ARID1B: variants seen among roughly 807,000 people sequenced by gnomAD.
ARID1B encodes AT-rich interactive domain-containing protein 1B.
ARID1B carries 30 observed loss-of-function variants against 212.3 expected under a neutral mutation model. The ratio of observed to expected loss-of-function variants is 0.14; its 90% CI spans 0.11 to 0.19. The LOEUF (loss-of-function observed/expected upper bound fraction) is 0.19, where lower values mean the gene tolerates loss of function less well. Ranked by LOEUF, ARID1B falls within the 10% of genes least tolerant of loss-of-function variation. ARID1B has a pLI of 1.00. For synonymous variants in ARID1B, 1,402 were observed against 1,301.7 expected (o/e 1.08, Z -1.66); for missense variants, 2,891 against 3,204.0 (o/e 0.90, Z 2.36).
chr6:157,131,415 C>T (rs541552589), intron 6 of ARID1B, among the ~76,000 whole-genome samples: 1 of 151,964 alleles, frequency 6.6e-6, no homozygotes, highest in African/African-American at 2.4e-5. Context: ...GATCAGGTGT[C>T]GAGGGAGGGC....
At chr6:156,904,844 G>A (rs572440778) in intron 3 of ARID1B, among the ~76,000 whole-genome samples, 1 of 152,142 alleles carries the variant, frequency 6.6e-6, no homozygotes, top group Non-Finnish European at 1.5e-5. Flanking sequence ...GTATAAAATT[G>A]CCTTCAGGCC....
intron 11 of ARID1B, 27 bp downstream of exon 11, chr6:157,175,032 T>G: frequency 7.4e-7 from 1 of 1,343,228 alleles, no homozygotes. Context: ...TTTTTTTGTT[T>G]TTTTTGTTTT....
At chr6:156,925,433 C>T (rs919531443) in intron 3 of ARID1B, among the ~76,000 whole-genome samples, 1 of 152,054 alleles carries the variant, frequency 6.6e-6, no homozygotes, top group Non-Finnish European at 1.5e-5. Flanking sequence ...CCACTGAGCC[C>T]AGGAGTTTGA....
At chr6:156,926,081 A>G (rs1269064359) in intron 3 of ARID1B, among the ~76,000 whole-genome samples, 2 of 152,212 alleles carry the variant, frequency 1.3e-5, no homozygotes, top group African/African-American at 2.4e-5. Context: ...GTGGCTGCAT[A>G]AGGCTTCTTG....
intron 4 of ARID1B, among the ~76,000 whole-genome samples, chr6:156,959,314 C>G (rs1273712885): frequency 6.6e-6 from 1 of 152,148 alleles, no homozygotes; most frequent in Non-Finnish European, 1.5e-5. Flanking sequence ...TACCATCCTC[C>G]TACATACTTT....
At chr6:156,816,938 G>A (rs575312703) in intron 1 of ARID1B, among the ~76,000 whole-genome samples, 95 of 152,276 alleles carry the variant, frequency 6.2e-4, no homozygotes, top group African/African-American at 2.2e-3. Context: ...GAATGGGGCA[G>A]AAAGGAGAAG....
intron 2 of ARID1B, among the ~76,000 whole-genome samples, chr6:156,891,586 T>C (rs1408342283): frequency 2.0e-5 from 3 of 152,232 alleles, no homozygotes; most frequent in Non-Finnish European, 4.4e-5. Context: ...AACATTATAC[T>C]ACATATGGTT....
chr6:156,816,952 C>T (rs1782005792), intron 1 of ARID1B, among the ~76,000 whole-genome samples: 1 of 152,050 alleles, frequency 6.6e-6, no homozygotes, highest in African/African-American at 2.4e-5. Context: ...GGAGAAGTGT[C>T]TCTAACAGTC....
rs558679364 is a variant in ARID1B, at chr6:157,179,613, C to T, written c.3505-1356C>T. On this transcript the variant is annotated intron_variant, in intron 11 of 19. Transcript: ENST00000636930. ...AAAACAACTATTTTTTATCATTCTA[C>T]ATTTTTTATTTACATCAACTGTATC... Among the ~76,000 whole-genome samples, 5 of 152,298 alleles carry T rather than the reference C, an allele frequency of 3.3e-5. No homozygotes were observed. The South Asian group carries it at 8.3e-4, about 25-fold the overall frequency.
intron 1 of ARID1B, among the ~76,000 whole-genome samples, chr6:156,798,557 T>C (rs1041059277): frequency 1.3e-5 from 2 of 152,258 alleles, no homozygotes; most frequent in African/African-American, 4.8e-5. Flanking sequence ...TTGTTGAGGG[T>C]GGAGAATATT....
intron 13 of ARID1B, chr6:157,186,239 A>G (rs1583472913): frequency 2.9e-6 from 1 of 340,842 alleles, no homozygotes; most frequent in East Asian, 7.8e-5. Context: ...TTCTCTTAAC[A>G]GCCAGCCGTT....
intron 7 of ARID1B, among the ~76,000 whole-genome samples, chr6:157,144,093 C>G (rs552741583): frequency 1.3e-5 from 2 of 152,342 alleles, no homozygotes; most frequent in African/African-American, 4.8e-5. Flanking sequence ...CAGCTCCTCT[C>G]TCTTTAGTAT....
At position 157,110,520 on chromosome 6, in the gene ARID1B, C is replaced by G. The variant is rs762229592; in HGVS notation, c.2540C>G (p.Ser847Cys). 2 of 1,614,158 alleles carry G rather than the reference C, an allele frequency of 1.2e-6. No individual in the cohort carries two copies. Among genetic ancestry groups the G allele is most frequent in the Non-Finnish European group, 1.7e-6 (2 of 1,180,024 alleles). ...CCCGGGAGCCAGTCAGAATCCAGTT[C>G]CCATCCCGCCTTGAGCCAGTCACCA... is the stretch of plus-strand genomic sequence containing the variant. ...QPPGSQSESS[S>C]HPALSQSPMP... Residue 847 changes from serine (S) to cysteine (C), a missense_variant, in exon 6 of 20, where the codon TCC becomes TGC. This residue lies in a region of ARID1B where 1,643 missense variants were observed against 1,544.0 expected (regional missense o/e 1.06). Coordinates refer to ENST00000636930, the MANE Select transcript of ARID1B (RefSeq NM_001374828.1).
intron 6 of ARID1B, among the ~76,000 whole-genome samples, chr6:157,117,190 A>G (rs1289471717): frequency 1.3e-5 from 2 of 152,204 alleles, no homozygotes; most frequent in African/African-American, 4.8e-5. Flanking sequence ...TTTGCGTACT[A>G]CTACAAAAAG....
At chr6:157,187,885 G>T (rs1027358114) in intron 13 of ARID1B, among the ~76,000 whole-genome samples, 1 of 151,982 alleles carries the variant, frequency 6.6e-6, no homozygotes, top group Non-Finnish European at 1.5e-5. Context: ...CAAGGAGGCT[G>T]TCGGCTGGAG....
intron 4 of ARID1B, among the ~76,000 whole-genome samples, chr6:157,065,703 C>A (rs1464244689): frequency 6.6e-6 from 1 of 152,228 alleles, no homozygotes; most frequent in Middle Eastern, 3.4e-3. Flanking sequence ...AGGGAGAATA[C>A]CAAAGAAGAA....
At chr6:156,822,138 G>A (rs533001856) in intron 1 of ARID1B, among the ~76,000 whole-genome samples, 4 of 152,172 alleles carry the variant, frequency 2.6e-5, no homozygotes, top group African/African-American at 7.2e-5. Flanking sequence ...GCTACCATGT[G>A]TGGCCAGTCT....
At chr6:157,198,995 T>G (rs746814388) in intron 17 of ARID1B, 88 bp downstream of exon 17, 167 of 1,104,746 alleles carry the variant, frequency 1.5e-4, no homozygotes, top group Non-Finnish European at 2.1e-4. Flanking sequence ...CTGAAGATTT[T>G]CAGACATCTA....
chr6:156,868,689 A>G (rs1337710305), intron 2 of ARID1B, among the ~76,000 whole-genome samples: 3 of 152,232 alleles, frequency 2.0e-5, no homozygotes, highest in South Asian at 2.1e-4. Flanking sequence ...TTTTAATGCC[A>G]TCACCTGGAG....
Sources: gnomAD v4.1 joint callset for allele counts (sites outside exome capture counted in the v4.1 genomes callset) on GRCh38, gnomAD v4.1.1 for gene constraint, gnomAD v4.1.1 regional missense constraint, MANE v1.5 for transcripts, NCBI Gene and HGNC (gene_info 2026-07-23, HGNC 2026-07-21) for gene names.